The following CACNA1C variants were observed in gnomAD, a reference collection of about 807,000 sequenced individuals.
The protein encoded by CACNA1C is calcium voltage-gated channel subunit alpha1 C.
A neutral mutation model predicts 229.0 loss-of-function variants in CACNA1C; 30 were observed. That is an observed-to-expected ratio of 0.13 (90% confidence interval 0.10 to 0.18). The LOEUF (loss-of-function observed/expected upper bound fraction) is 0.18. Among genes scored for constraint, CACNA1C ranks in the 10% least tolerant of loss-of-function variants. The pLI is 1.00. For missense variants in CACNA1C, 1,658 were observed against 2,845.0 expected (o/e 0.58, Z 9.49); for synonymous variants, 1,114 against 1,132.5 (o/e 0.98, Z 0.33).
In CACNA1C at chr12:2,488,572, C is replaced by T. The variant is rs939182764; in HGVS notation, c.916+2310C>T. ...CCAGGAAAAGTGCCTGAGAAGTTGC[C>T]TCCTACCAAGAGACTCATCAGATTG... is the stretch of plus-strand genomic sequence containing the variant. On this transcript the variant is annotated intron_variant, in intron 6 of 46. Coordinates refer to ENST00000399655, the MANE Select transcript of CACNA1C (RefSeq NM_000719.7). This position sits in a 1 kb window ranked among gnomAD's most constrained non-coding sequence, Gnocchi z 4.0. Among the ~76,000 whole-genome samples the T allele has an allele frequency of 6.6e-6, 1 of 152,196 alleles. No individual in the cohort carries two copies. The highest frequency in any genetic ancestry group is 6.5e-5 in the Admixed American group (1 of 15,280).
intron 3 of CACNA1C, among the ~76,000 whole-genome samples, chr12:2,189,406 G>C (rs1442275418): frequency 6.6e-6 from 1 of 152,232 alleles, no homozygotes; most frequent in Non-Finnish European, 1.5e-5. Flanking sequence ...CGTACAAGGA[G>C]AGAAGGCTGG....
At chr12:2,391,325 G>C (rs904577563) in intron 3 of CACNA1C, among the ~76,000 whole-genome samples, 1 of 152,148 alleles carries the variant, frequency 6.6e-6, no homozygotes, top group African/African-American at 2.4e-5. Flanking sequence ...CTGACTCCTC[G>C]GTGCACTGAT....
At chr12:2,533,675 C>T (rs2099846300) in intron 9 of CACNA1C, among the ~76,000 whole-genome samples, 1 of 152,302 alleles carries the variant, frequency 6.6e-6, no homozygotes, top group Admixed American at 6.5e-5. Context: ...CTGGTGGAGT[C>T]TGCCAGGTGG....
chr12:2,190,059 T>C (rs912567464), intron 3 of CACNA1C, among the ~76,000 whole-genome samples: 1 of 152,188 alleles, frequency 6.6e-6, no homozygotes, highest in African/African-American at 2.4e-5. Context: ...GTTAATGGAA[T>C]GGAATCCTCT....
intron 1 of CACNA1C, among the ~76,000 whole-genome samples, chr12:2,007,104 T>C (rs2043604190): frequency 6.6e-6 from 1 of 152,256 alleles, no homozygotes; most frequent in African/African-American, 2.4e-5. Flanking sequence ...ATGGAGAATT[T>C]TGTGATTAAT....
At chr12:2,600,991 A>G (rs974895433) in intron 21 of CACNA1C, among the ~76,000 whole-genome samples, 9 of 152,178 alleles carry the variant, frequency 5.9e-5, no homozygotes, top group Admixed American at 2.6e-4. Context: ...CACTAAGAGA[A>G]TTTGAGTTTC....
chr12:2,018,928 C>T (rs1249170679), intron 1 of CACNA1C, among the ~76,000 whole-genome samples: 1 of 151,874 alleles, frequency 6.6e-6, no homozygotes, highest in Non-Finnish European at 1.5e-5. Context: ...AGAAGTGGTC[C>T]CAAGGTTTTA....
intron 3 of CACNA1C, among the ~76,000 whole-genome samples, chr12:2,331,470 A>G (rs1232087219): frequency 6.6e-6 from 1 of 152,242 alleles, no homozygotes; most frequent in Admixed American, 6.5e-5. Context: ...ATGCTCTCAG[A>G]AGGACGAGGT....
rs1401899409 is a variant in CACNA1C, at chr12:2,692,670, AAGAC to A, written c.*1475_*1478del. The A allele has an allele frequency of 9.2e-5, 14 of 152,704 alleles. No homozygotes were observed. The highest frequency in any genetic ancestry group is 1.8e-4 in the Non-Finnish European group (12 of 68,052). 9.5% of individuals were successfully genotyped at this position (152,704 alleles called of 1,614,324 possible). The stretch of plus-strand genomic sequence containing the variant: ...TGGCATTAAAACTGTATTTTAAAAA[AAGAC>A]AGAAATTTAAGGGAAAAACACAAGA... On this transcript the variant is annotated 3_prime_UTR_variant, in exon 47 of 47. Coordinates refer to ENST00000399655, the MANE Select transcript of CACNA1C (RefSeq NM_000719.7).
rs1596372167 is a variant in CACNA1C at position 2,120,261 on chromosome 12, T to C, written c.372-64T>C. 1 of 844,082 alleles carries C rather than the reference T, an allele frequency of 1.2e-6. No homozygotes were observed. Among genetic ancestry groups the C allele is most frequent in the East Asian group, 2.4e-5 (1 of 41,458 alleles). 52.3% of individuals were successfully genotyped at this position (844,082 alleles called of 1,614,324 possible). On this transcript the variant is annotated intron_variant, in intron 2 of 46. Transcript: ENST00000399655. ...AATCTTTGATTCATTTTAAAAAATATGTAGATTATGTTTGTTTCACTTGTA... is the reference window on the plus strand; with the variant it reads ...AATCTTTGATTCATTTTAAAAAATACGTAGATTATGTTTGTTTCACTTGTA...
intron 18 of CACNA1C, among the ~76,000 whole-genome samples, chr12:2,589,946 G>C (rs1319199537): frequency 6.6e-6 from 1 of 152,162 alleles, no homozygotes; most frequent in Non-Finnish European, 1.5e-5. Flanking sequence ...AGCCAGCGAA[G>C]AGAAAATCCC....
rs972347278 is a variant in CACNA1C at position 2,602,717 on chromosome 12, A to G, written c.2960+757A>G. On this transcript the variant is annotated intron_variant, in intron 22 of 46. Transcript: ENST00000399655. The surrounding 1 kb of genome is among the most constrained non-coding windows in gnomAD (Gnocchi z 4.4). ...GGGGTACAGTCTGGGTGTGAGTTCT[A>G]AGAGCTTTCCAGGTGACTCCCCTGT... 6.6e-5 allele frequency among the ~76,000 whole-genome samples: 10 copies of G among 150,946 alleles called. No individual in the cohort carries two copies. Among genetic ancestry groups the G allele is most frequent in the Non-Finnish European group, 1.0e-4 (7 of 67,890 alleles).
intron 13 of CACNA1C, among the ~76,000 whole-genome samples, chr12:2,577,465 G>C (rs1447331379): frequency 6.6e-6 from 1 of 152,222 alleles, no homozygotes; most frequent in Non-Finnish European, 1.5e-5. Context: ...ATACATATTA[G>C]TTTGATGCAT....
intron 3 of CACNA1C, among the ~76,000 whole-genome samples, chr12:2,205,263 G>T (rs953269774): frequency 1.3e-5 from 2 of 152,218 alleles, no homozygotes; most frequent in African/African-American, 4.8e-5. Context: ...GGTGCAGCGT[G>T]ACCTGAACCA....
In CACNA1C at chr12:2,586,310, G is replaced by A. The variant is rs564995967; in HGVS notation, c.2530+406G>A. Among the ~76,000 whole-genome samples the A allele has an allele frequency of 8.5e-5, 13 of 152,292 alleles. No individual in the cohort carries two copies. The East Asian group carries it at 2.5e-3, about 29-fold the overall frequency. ...TTGCCCCTACTCAGGAGGCAGTGCCGAGTGCAGGGACAGCTGCCACCACAG... is the reference window on the plus strand; with the variant it reads ...TTGCCCCTACTCAGGAGGCAGTGCCAAGTGCAGGGACAGCTGCCACCACAG... On this transcript the variant is annotated intron_variant, in intron 18 of 46. Transcript: ENST00000399655.
At chr12:1,994,351 T>C (rs2040279085) in intron 1 of CACNA1C, among the ~76,000 whole-genome samples, 1 of 152,226 alleles carries the variant, frequency 6.6e-6, no homozygotes, top group African/African-American at 2.4e-5. Flanking sequence ...GTTGTTTATG[T>C]CTTAGTTTTA....
In CACNA1C at chr12:2,504,846, A is replaced by G; in HGVS notation, c.1118A>G (p.Asn373Ser). The G allele has an allele frequency of 6.4e-7, 1 of 1,566,136 alleles. No individual in the cohort carries two copies. The highest frequency in any genetic ancestry group is 8.8e-7 in the Non-Finnish European group (1 of 1,136,828). The change falls in exon 8 of 47, where the codon AAT (asparagine) becomes AGT (serine). Residue 373 changes from asparagine to serine, a missense_variant. By Grantham distance (46) the Asn-to-Ser change is conservative. Coordinates refer to ENST00000399655, the MANE Select transcript of CACNA1C (RefSeq NM_000719.7). The surrounding 1 kb of genome is among the most constrained non-coding windows in gnomAD (Gnocchi z 6.8). ...ACTATCATTCCGTTCTTCCAGGTCA[A>G]TGATGCCGTAGGAAGGGACTGGCCC... ...EGWTDVLYWV[N>S]DAVGRDWPWI... is the part of the protein sequence containing the mutation.
At chr12:2,056,277 A>G (rs1007118359) in intron 1 of CACNA1C, among the ~76,000 whole-genome samples, 1 of 151,526 alleles carries the variant, frequency 6.6e-6, no homozygotes, top group East Asian at 1.9e-4. Context: ...GTGCCTGGGA[A>G]CAGCCTGGAA....
rs187909321 is a variant in CACNA1C at position 2,068,594 on chromosome 12, A to G, written c.49+14983A>G. On this transcript the variant is annotated intron_variant, in intron 1 of 46. Coordinates refer to ENST00000399655, the MANE Select transcript of CACNA1C (RefSeq NM_000719.7). The stretch of plus-strand genomic sequence containing the variant: ...ATACTAGCTCCTCATGGTAAAATGC[A>G]TAGACAGTCCAGTGGCCCCAAGTCC... Among the ~76,000 whole-genome samples, 338 of 152,344 alleles carry G rather than the reference A, an allele frequency of 2.2e-3. 4 individuals are homozygous for G. In the South Asian group the frequency reaches 0.03, roughly 14 times the overall value.
Sources: gnomAD v4.1 joint callset for allele counts (sites outside exome capture counted in the v4.1 genomes callset) on GRCh38, gnomAD v4.1.1 for gene constraint, Gnocchi (gnomAD v3.1) non-coding constraint, MANE v1.5 for transcripts, NCBI Gene and HGNC (gene_info 2026-07-23, HGNC 2026-07-21) for gene names.